GALNT11: variants seen among roughly 807,000 people sequenced by gnomAD.
The protein encoded by GALNT11 is polypeptide N-acetylgalactosaminyltransferase 11, also known as UDP-GalNAc:polypeptide N-acetylgalactosaminyltransferase 11.
GALNT11 carries 47 observed loss-of-function variants against 72.7 expected under a neutral mutation model. The observed-to-expected ratio is 0.65, with a 90% CI of 0.51 to 0.82. The LOEUF (loss-of-function observed/expected upper bound fraction) is 0.82. Among genes scored for constraint, GALNT11 ranks in the 40% least tolerant of loss-of-function variants. GALNT11 has a pLI of 0.00. For missense variants in GALNT11, 677 were observed against 778.4 expected (o/e 0.87, Z 1.55); for synonymous variants, 270 against 286.6 (o/e 0.94, Z 0.58).
intron 1 of GALNT11, among the ~76,000 whole-genome samples, chr7:152,057,783 T>C (rs1305125243): frequency 1.3e-5 from 2 of 152,250 alleles, no homozygotes; most frequent in Non-Finnish European, 2.9e-5. Flanking sequence ...ATTAATATGG[T>C]ACGTGTATTT....
At chr7:152,059,049 G>A (rs1263725396) in intron 1 of GALNT11, among the ~76,000 whole-genome samples, 2 of 152,068 alleles carry the variant, frequency 1.3e-5, no homozygotes, top group Non-Finnish European at 2.9e-5. Flanking sequence ...GGCAAATGTG[G>A]AATAAAAAAA....
At chr7:152,029,284 T>G (rs2082193203) in intron 1 of GALNT11, among the ~76,000 whole-genome samples, 1 of 152,178 alleles carries the variant, frequency 6.6e-6, no homozygotes, top group African/African-American at 2.4e-5. Flanking sequence ...TCTTGCAAAC[T>G]CTCTTGAGAA....
In GALNT11 at chr7:152,121,679, G is replaced by A; in HGVS notation, c.*2G>A. On this transcript the variant is annotated 3_prime_UTR_variant, in exon 12 of 12. Transcript: ENST00000430044. ...CAGCAGTGGCATTTGGAAGGTTAAGGTGGATGCTGTGGTGGGAACGTTGCT... is the reference window on the plus strand; with the variant it reads ...CAGCAGTGGCATTTGGAAGGTTAAGATGGATGCTGTGGTGGGAACGTTGCT... 6.2e-7 allele frequency: 1 copy of A among 1,611,636 alleles called. No homozygotes were observed. Among genetic ancestry groups the A allele is most frequent in the South Asian group, 1.1e-5 (1 of 90,686 alleles).
rs115535986 is a variant in GALNT11 at position 152,067,607 on chromosome 7, A to G, written c.-38-26583A>G. On this transcript the variant is annotated intron_variant, in intron 1 of 11. Coordinates refer to ENST00000430044, the MANE Select transcript of GALNT11 (RefSeq NM_022087.4). Reference sequence around the variant, plus strand: ...GTAGTTTTTGTTTGTTTTATTGAGCACTTCCTTATTTTCTGGCACTGCAAG... The same window carrying G: ...GTAGTTTTTGTTTGTTTTATTGAGCGCTTCCTTATTTTCTGGCACTGCAAG... Among the ~76,000 whole-genome samples the G allele has an allele frequency of 1.1e-3, 171 of 152,174 alleles. 2 individuals carry two copies. The highest frequency in any genetic ancestry group is 4.0e-3 in the African/African-American group (166 of 41,524).
chr7:152,069,640 G>A (rs1454600378), intron 1 of GALNT11, among the ~76,000 whole-genome samples: 1 of 152,128 alleles, frequency 6.6e-6, no homozygotes, highest in Non-Finnish European at 1.5e-5. Context: ...TTGGAGAACC[G>A]ACCTCTTTAT....
chr7:152,031,707 A>T (rs1436950006), intron 1 of GALNT11, among the ~76,000 whole-genome samples: 1 of 152,184 alleles, frequency 6.6e-6, no homozygotes, highest in Non-Finnish European at 1.5e-5. Flanking sequence ...TCTCTCTGTG[A>T]TGTATAAAGA....
At chr7:152,096,398 T>G (rs1244820740) in intron 2 of GALNT11, among the ~76,000 whole-genome samples, 5 of 152,130 alleles carry the variant, frequency 3.3e-5, no homozygotes, top group African/African-American at 1.2e-4. Context: ...ACAAAAACTT[T>G]CGTACATCAA....
chr7:152,107,527 A>G (rs17173337), intron 5 of GALNT11: 2,411 of 153,078 alleles, frequency 0.016, 64 homozygotes, highest in African/African-American at 0.054. Context: ...GTTACAGTGC[A>G]TGTCCTAGTC....
intron 8 of GALNT11, chr7:152,116,872 T>C (rs1395911590): frequency 1.2e-5 from 7 of 564,488 alleles, no homozygotes; most frequent in Admixed American, 1.1e-4. Flanking sequence ...TAGGTTTCTC[T>C]GTTTTAATTT....
chr7:152,025,849 C>T lies in GALNT11; in HGVS notation c.-74C>T, dbSNP rs936842496. ...GGAGAGAAGATGCCGCAGCCCGAGT[C>T]CCAGAAGGCGGCGATCCTGGGCTGC... On this transcript the variant is annotated 5_prime_UTR_variant, in exon 1 of 12. Transcript: ENST00000430044. 1.9e-4 allele frequency: 55 copies of T among 284,824 alleles called. No homozygotes were observed. The East Asian group carries it at 7.3e-3, about 38-fold the overall frequency. The allele number at this position is 284,824 out of a possible 1,614,324, so 17.6% of individuals were successfully genotyped here. A position where few individuals can be genotyped will look rare whatever the true frequency, so the allele number is the denominator to read the frequency against.
intron 1 of GALNT11, among the ~76,000 whole-genome samples, chr7:152,051,023 C>A (rs1375235907): frequency 2.0e-5 from 3 of 152,124 alleles, no homozygotes; most frequent in Admixed American, 2.0e-4. Flanking sequence ...CGACTTTATC[C>A]TCTTCAGTGC....
Position 152,057,238 on chromosome 7 carries a change from A to AT in GALNT11, c.-39+31364dup, listed in dbSNP as rs150462086. Among the ~76,000 whole-genome samples the AT allele has an allele frequency of 3.0e-4, 45 of 148,692 alleles. No homozygotes were observed. In the East Asian group the frequency reaches 3.3e-3, roughly 11 times the overall value. On this transcript the variant is annotated intron_variant, in intron 1 of 11. Coordinates refer to ENST00000430044, the MANE Select transcript of GALNT11 (RefSeq NM_022087.4). Reference sequence around the variant, plus strand: ...ATAGATTTTAAAAAATCTATTAGTAATTTTTTTTTTAACCTATAGCCCTGC... The same window carrying AT: ...ATAGATTTTAAAAAATCTATTAGTAATTTTTTTTTTTAACCTATAGCCCTGC...
chr7:152,051,331 T>A (rs1376462255), intron 1 of GALNT11, among the ~76,000 whole-genome samples: 4 of 151,642 alleles, frequency 2.6e-5, no homozygotes, highest in Non-Finnish European at 5.9e-5. Context: ...TTAAAGAAAT[T>A]GGGTTATTTG....
chr7:152,102,817 A>G (rs929224038), intron 3 of GALNT11, among the ~76,000 whole-genome samples: 4 of 151,754 alleles, frequency 2.6e-5, no homozygotes, highest in African/African-American at 9.7e-5. Flanking sequence ...CCCTGTCTCT[A>G]CTAAAAATGC....
At chr7:152,033,579 G>A (rs144952976) in intron 1 of GALNT11, among the ~76,000 whole-genome samples, 1 of 152,316 alleles carries the variant, frequency 6.6e-6, no homozygotes, top group Non-Finnish European at 1.5e-5. Flanking sequence ...CTGGTGACAG[G>A]GGAGTACATT....
chr7:152,050,047 T>C (rs938204911), intron 1 of GALNT11, among the ~76,000 whole-genome samples: 1 of 151,926 alleles, frequency 6.6e-6, no homozygotes, highest in Non-Finnish European at 1.5e-5. Context: ...AGAAATACCA[T>C]CCAAGAGCCA....
intron 1 of GALNT11, among the ~76,000 whole-genome samples, chr7:152,070,670 A>T (rs533002793): frequency 8.5e-5 from 13 of 152,228 alleles, no homozygotes; most frequent in Non-Finnish European, 1.9e-4. Context: ...CACATAATCC[A>T]GAATAATCTC....
At chr7:152,106,721 A>ATC (rs1289484080) in intron 5 of GALNT11, among the ~76,000 whole-genome samples, 6 of 152,032 alleles carry the variant, frequency 3.9e-5, no homozygotes, top group African/African-American at 1.4e-4. Context: ...TTCCCTTATG[A>ATC]TCTCTTCAGG....
chr7:152,112,857 T>C (rs2088392776), intron 7 of GALNT11, among the ~76,000 whole-genome samples: 1 of 151,868 alleles, frequency 6.6e-6, no homozygotes, highest in South Asian at 2.1e-4. Flanking sequence ...GAAACTAAAA[T>C]GAGAGAACAG....
Sources: gnomAD v4.1 joint callset for allele counts (sites outside exome capture counted in the v4.1 genomes callset) on GRCh38, gnomAD v4.1.1 for gene constraint, MANE v1.5 for transcripts, NCBI Gene and HGNC (gene_info 2026-07-23, HGNC 2026-07-21) for gene names.